Variants in DAB1 observed in about 807,000 individuals in gnomAD.
The protein encoded by DAB1 is disabled homolog 1.
Under a neutral mutation model 64.6 loss-of-function variants are expected in DAB1, and 15 were observed. The ratio of observed to expected loss-of-function variants is 0.23; its 90% CI spans 0.16 to 0.36. DAB1 has a LOEUF of 0.36. DAB1 is among the 10% of genes least tolerant of loss of function. The pLI is 1.00. For synonymous variants in DAB1, 235 were observed against 251.9 expected (o/e 0.93, Z 0.64); for missense variants, 596 against 706.7 (o/e 0.84, Z 1.78).
chr1:57,143,038 CTCTA>C (rs1259291372), intron 3 of DAB1, among the ~76,000 whole-genome samples: 1 of 152,156 alleles, frequency 6.6e-6, no homozygotes, highest in African/African-American at 2.4e-5. Flanking sequence ...GAAGGTATGG[CTCTA>C]TCTAATTGGA....
intron 5 of DAB1, among the ~76,000 whole-genome samples, chr1:57,999,533 CT>C (rs1409950825): frequency 4.6e-5 from 7 of 152,192 alleles, no homozygotes; most frequent in Admixed American, 1.3e-4. Flanking sequence ...TGAGGACAGA[CT>C]AGAGCCTCTC....
intron 5 of DAB1, among the ~76,000 whole-genome samples, chr1:57,962,127 T>G (rs1645539746): frequency 6.6e-6 from 1 of 152,120 alleles, no homozygotes; most frequent in South Asian, 2.1e-4. Context: ...GCTATGCCTC[T>G]GCTTGACTAG....
In DAB1 at chr1:58,396,318, T is replaced by G. The variant is rs563860695; in HGVS notation, n.258-52915A>C. 1.4e-4 allele frequency among the ~76,000 whole-genome samples: 22 copies of G among 152,164 alleles called. No homozygotes were observed. The South Asian group carries it at 4.6e-3, about 32-fold the overall frequency. Reference sequence around the variant, plus strand: ...GATGTCTAGTTGCATCTTGTTCCTATCGATTACCCACCAAAGTGTTTCTCA... The same window carrying G: ...GATGTCTAGTTGCATCTTGTTCCTAGCGATTACCCACCAAAGTGTTTCTCA... On this transcript the variant is annotated intron_variant and non_coding_transcript_variant, in intron 3 of 20. Transcript: ENST00000485760.
chr1:58,538,607 T>C (rs80290049), intron 1 of DAB1, among the ~76,000 whole-genome samples: 4,362 of 152,200 alleles, frequency 0.029, 147 homozygotes, highest in African/African-American at 0.078. Flanking sequence ...CAGAACAAAA[T>C]TGGGCAGGAC....
intron 3 of DAB1, among the ~76,000 whole-genome samples, chr1:58,399,822 G>A (rs1644554829): frequency 6.6e-6 from 1 of 152,140 alleles, no homozygotes; most frequent in Admixed American, 6.5e-5. Context: ...AATATGCCAA[G>A]GTAATCTGTG....
chr1:57,620,071 C>T (rs911913654), intron 7 of DAB1, among the ~76,000 whole-genome samples: 4 of 152,174 alleles, frequency 2.6e-5, no homozygotes, highest in African/African-American at 9.7e-5. Flanking sequence ...CTGCTTCCAA[C>T]AGGGATCCAT....
chr1:58,298,334 A>G (rs1662038983), intron 4 of DAB1, among the ~76,000 whole-genome samples: 1 of 152,178 alleles, frequency 6.6e-6, no homozygotes, highest in African/African-American at 2.4e-5. Context: ...TCTTTACTTT[A>G]CTTTCTTTCT....
At chr1:58,251,359 C>A (rs115972410) in intron 4 of DAB1, among the ~76,000 whole-genome samples, 3 of 152,058 alleles carry the variant, frequency 2.0e-5, no homozygotes, top group Non-Finnish European at 4.4e-5. Context: ...TTTAGTAAGA[C>A]GGAAAATAAA....
intron 7 of DAB1, among the ~76,000 whole-genome samples, chr1:57,611,128 C>CTTTTTTTTTT (rs5774360): frequency 1.8e-5 from 2 of 111,976 alleles, no homozygotes. Flanking sequence ...CGTGCAGTGG[C>CTTTTTTTTTT]TTTTTTTTTT....
intron 12 of DAB1, 91 bp from the exon 13 acceptor site, chr1:57,011,363 A>G: frequency 6.9e-7 from 1 of 1,445,212 alleles, no homozygotes; most frequent in South Asian, 1.3e-5. Context: ...CTTATATTGA[A>G]GTCAAATCTT....
At chr1:57,485,754 A>G (rs1644082517) in intron 7 of DAB1, among the ~76,000 whole-genome samples, 1 of 152,186 alleles carries the variant, frequency 6.6e-6, no homozygotes, top group African/African-American at 2.4e-5. Flanking sequence ...GCGTTTAAAC[A>G]CTTAGCACTG....
At chr1:57,700,472 C>A (rs1359612171) in intron 6 of DAB1, among the ~76,000 whole-genome samples, 2 of 152,076 alleles carry the variant, frequency 1.3e-5, no homozygotes, top group African/African-American at 4.8e-5. Flanking sequence ...TTTGCTGTAC[C>A]TGCTGTGGAT....
At chr1:58,536,385 GAA>G in intron 1 of DAB1, 1 of 601,854 alleles carries the variant, frequency 1.7e-6, no homozygotes, top group Non-Finnish European at 3.0e-6. Context: ...AGGCCTTCGG[GAA>G]AAAAAAATGC....
At chr1:57,403,489 A>G (rs1683405536) in intron 1 of DAB1, among the ~76,000 whole-genome samples, 1 of 152,196 alleles carries the variant, frequency 6.6e-6, no homozygotes, top group African/African-American at 2.4e-5. Context: ...TGAAGCCAGA[A>G]TAAGCTAGAC....
chr1:58,137,086 T>C (rs1653989310), intron 5 of DAB1, among the ~76,000 whole-genome samples: 1 of 150,510 alleles, frequency 6.6e-6, no homozygotes, highest in Non-Finnish European at 1.5e-5. Flanking sequence ...CTTTGGTCTC[T>C]AGAAAAAAAA....
At chr1:57,045,474 G>A (rs1648354371) in intron 9 of DAB1, among the ~76,000 whole-genome samples, 1 of 152,156 alleles carries the variant, frequency 6.6e-6, no homozygotes, top group Admixed American at 6.6e-5. Context: ...AAGGCAGGCG[G>A]ATCACTTGAG....
intron 4 of DAB1, among the ~76,000 whole-genome samples, chr1:58,219,786 C>T (rs1167414058): frequency 6.6e-6 from 1 of 152,250 alleles, no homozygotes; most frequent in Non-Finnish European, 1.5e-5. Flanking sequence ...CACTTCACCT[C>T]CATTGCACAC....
chr1:58,274,669 G>A (rs1296700845), intron 4 of DAB1, among the ~76,000 whole-genome samples: 1 of 152,136 alleles, frequency 6.6e-6, no homozygotes, highest in East Asian at 1.9e-4. Flanking sequence ...TTCCGTGGGC[G>A]TAGGACCCTC....
chr1:57,012,669 G>A (rs6684103), intron 12 of DAB1, among the ~76,000 whole-genome samples: 1 of 152,152 alleles, frequency 6.6e-6, no homozygotes, highest in Admixed American at 6.5e-5. Flanking sequence ...AATGAAATCT[G>A]TTTTGTTTCA....
Sources: allele counts gnomAD v4.1 joint callset (sites outside exome capture counted in the v4.1 genomes callset), GRCh38; gene constraint gnomAD v4.1.1; transcripts MANE v1.5; gene names NCBI Gene and HGNC (gene_info 2026-07-23, HGNC 2026-07-21).